Variants in GMPS observed in about 807,000 individuals in gnomAD.
GMPS encodes GMP synthase [glutamine-hydrolyzing].
Under a neutral mutation model 77.9 loss-of-function variants are expected in GMPS, and 15 were observed. The ratio of observed to expected loss-of-function variants is 0.19; its 90% CI spans 0.13 to 0.30. The LOEUF (loss-of-function observed/expected upper bound fraction) is 0.30. Ranked by LOEUF, GMPS falls within the 10% of genes least tolerant of loss-of-function variation. The pLI, the probability that GMPS is intolerant of heterozygous loss-of-function variation, is 1.00. For synonymous variants in GMPS, 224 were observed against 275.9 expected (o/e 0.81, Z 1.86); for missense variants, 590 against 838.8 (o/e 0.70, Z 3.66).
chr3:155,922,099 G>A (rs1007281452), intron 10 of GMPS, 88 bp from the exon 11 acceptor site: 2 of 593,980 alleles, frequency 3.4e-6, no homozygotes, highest in East Asian at 6.7e-5. Flanking sequence ...AAGGTTTTAT[G>A]TTTTGAAACT....
chr3:155,894,450 C>T lies in GMPS; in HGVS notation c.209+751C>T, dbSNP rs1365443508. Among the ~76,000 whole-genome samples the T allele has an allele frequency of 2.0e-5, 3 of 152,198 alleles. No individual in the cohort carries two copies. The East Asian group carries it at 5.8e-4, about 29-fold the overall frequency. The stretch of plus-strand genomic sequence containing the variant: ...TGTTGTCCAGGCTGGTCTCGAACTC[C>T]TGACTTCAGGTGATCCACCTACCTA... On this transcript the variant is annotated intron_variant, in intron 2 of 15. Transcript: ENST00000496455.
intron 7 of GMPS, among the ~76,000 whole-genome samples, chr3:155,911,839 CAAAAA>C (rs200105245): frequency 1.3e-5 from 1 of 75,802 alleles, no homozygotes. Context: ...AACTCCATCT[CAAAAA>C]AAAAAAAAAA....
Position 155,941,488 on chromosome 3 carries a change from T to TA in GMPS, c.*3797dup, listed in dbSNP as rs1755890098. 4.7e-6 allele frequency: 1 copy of TA among 213,392 alleles called. No homozygotes were observed. Among genetic ancestry groups the TA allele is most frequent in the African/African-American group, 2.3e-5 (1 of 44,342 alleles). The allele number at this position is 213,392 out of a possible 1,614,324, so 13.2% of individuals were successfully genotyped here. A position where few individuals can be genotyped will look rare whatever the true frequency, so the allele number is the denominator to read the frequency against. ...CAAAAGTGTTAATTGTCTCCTTACT[T>TA]ACAGTGAGTTTCTAGAGATAGCCCT... On this transcript the variant is annotated 3_prime_UTR_variant, in exon 16 of 16. Transcript: ENST00000496455.
In GMPS at chr3:155,940,739, TG is replaced by T. The variant is rs1259625543; in HGVS notation, c.*3048del. ...GAGACAGAATGGAGAAGCTGGATAGTGTTTTTTTTTTTTTTTTTTAAGGTTC... is the reference window on the plus strand; with the variant it reads ...GAGACAGAATGGAGAAGCTGGATAGTTTTTTTTTTTTTTTTTTTAAGGTTC... On this transcript the variant is annotated 3_prime_UTR_variant, in exon 16 of 16. Coordinates refer to ENST00000496455, the MANE Select transcript of GMPS (RefSeq NM_003875.3). 4.8e-5 allele frequency: 8 copies of T among 166,466 alleles called. No individual in the cohort carries two copies. Among genetic ancestry groups the T allele is most frequent in the African/African-American group, 1.3e-4 (3 of 23,784 alleles). The allele number at this position is 166,466 out of a possible 1,614,324, so 10.3% of individuals were successfully genotyped here.
chr3:155,896,228 C>T (rs1754599270), intron 2 of GMPS, among the ~76,000 whole-genome samples: 1 of 152,040 alleles, frequency 6.6e-6, no homozygotes, highest in South Asian at 2.1e-4. Flanking sequence ...CCAGGATGGT[C>T]TCGATCTCCT....
intron 1 of GMPS, among the ~76,000 whole-genome samples, chr3:155,885,945 G>A (rs1049322196): frequency 2.6e-5 from 4 of 151,948 alleles, no homozygotes; most frequent in African/African-American, 7.2e-5. Context: ...CTCAGCCTCC[G>A]GTGTAGCTGG....
At chr3:155,893,723 A>G (rs1754529070) in intron 2 of GMPS, 24 bp downstream of exon 2, 10 of 1,363,214 alleles carry the variant, frequency 7.3e-6, no homozygotes, top group Non-Finnish European at 1.0e-5. Flanking sequence ...TAATCTTTTC[A>G]TGAGGAGATT....
chr3:155,928,194 T>C (rs1321863718), intron 12 of GMPS, among the ~76,000 whole-genome samples: 2 of 151,934 alleles, frequency 1.3e-5, no homozygotes, highest in Non-Finnish European at 2.9e-5. Context: ...ACCTGGATAA[T>C]TTTTTGTATT....
rs529491745 is a variant in GMPS, at chr3:155,872,559, T to C, written c.27+1662T>C. ...ATATATAGTGCATTTGAGAGGAGTA[T>C]TTTCACAAAACTAAGTGACAGAAAA... On this transcript the variant is annotated intron_variant, in intron 1 of 15. Transcript: ENST00000496455. Among the ~76,000 whole-genome samples, 119 of 152,320 alleles carry C rather than the reference T, an allele frequency of 7.8e-4. 1 individual carries two copies. Among genetic ancestry groups the C allele is most frequent in the African/African-American group, 2.8e-3 (116 of 41,564 alleles).
intron 15 of GMPS, 131 bp downstream of exon 15, chr3:155,936,641 T>A (rs558918572): frequency 1.9e-5 from 11 of 581,612 alleles, no homozygotes; most frequent in African/African-American, 7.5e-5. Flanking sequence ...GGCTTTTTTT[T>A]TTAAATTTTC....
chr3:155,922,931 C>T (rs955997386), intron 11 of GMPS, among the ~76,000 whole-genome samples: 1 of 152,114 alleles, frequency 6.6e-6, no homozygotes, highest in South Asian at 2.1e-4. Flanking sequence ...AGGAAAAATG[C>T]AGATTCTCTT....
intron 1 of GMPS, among the ~76,000 whole-genome samples, chr3:155,874,684 T>C (rs1395924339): frequency 6.6e-6 from 1 of 152,180 alleles, no homozygotes; most frequent in Non-Finnish European, 1.5e-5. Context: ...ACATTGCCTT[T>C]AGCGTGGGCC....
intron 12 of GMPS, among the ~76,000 whole-genome samples, chr3:155,926,131 C>T (rs1560051855): frequency 6.6e-6 from 1 of 152,190 alleles, no homozygotes. Flanking sequence ...ACTACCTCAG[C>T]TTCCCAAGTA....
chr3:155,919,473 G>A, intron 10 of GMPS, 135 bp downstream of exon 10: 2 of 566,870 alleles, frequency 3.5e-6, no homozygotes, highest in Middle Eastern at 3.1e-4. Flanking sequence ...GATGGTTAGG[G>A]AATAATTGAA....
At chr3:155,871,168 C>T (rs1055430572) in intron 1 of GMPS, among the ~76,000 whole-genome samples, 2 of 152,032 alleles carry the variant, frequency 1.3e-5, no homozygotes, top group African/African-American at 4.8e-5. Flanking sequence ...CTGGCCCCCG[C>T]CTCCCCCGCG....
rs1755861310 is a variant in GMPS at position 155,940,521 on chromosome 3, G to A, written c.*2829G>A. ...TTACTGAATAACTTGACCCTAACCTGTAGAGAATAAGAGCATTCAAATTAG... is the reference window on the plus strand; with the variant it reads ...TTACTGAATAACTTGACCCTAACCTATAGAGAATAAGAGCATTCAAATTAG... On this transcript the variant is annotated 3_prime_UTR_variant, in exon 16 of 16. Transcript: ENST00000496455. 3 of 216,134 alleles carry A rather than the reference G, an allele frequency of 1.4e-5. No homozygotes were observed. The allele number at this position is 216,134 out of a possible 1,614,324, so 13.4% of individuals were successfully genotyped here. A position where few individuals can be genotyped will look rare whatever the true frequency, so the allele number is the denominator to read the frequency against.
rs1755424259 is a variant in GMPS, at chr3:155,925,302, T to C, written c.1496T>C (p.Met499Thr). 2 of 1,611,436 alleles carry C rather than the reference T, an allele frequency of 1.2e-6. No individual in the cohort carries two copies. Among genetic ancestry groups the C allele is most frequent in the African/African-American group, 1.3e-5 (1 of 74,890 alleles). Residue 499 changes from methionine to threonine, a missense_variant, in exon 12 of 16, where the codon ATG becomes ACG. Coordinates refer to ENST00000496455, the MANE Select transcript of GMPS (RefSeq NM_003875.3). ...ACAGAAGAGGATCAGGAGAAGCTGA[T>C]GCAAATTACCAGTCTGCATTCACTG... is the stretch of plus-strand genomic sequence containing the variant. ...CTTEEDQEKL[M>T]QITSLHSLNA...
chr3:155,918,110 TGTTA>T (rs1160015463), intron 9 of GMPS, among the ~76,000 whole-genome samples: 1 of 152,046 alleles, frequency 6.6e-6, no homozygotes, highest in Non-Finnish European at 1.5e-5. Context: ...GCTTACAATT[TGTTA>T]TTTTCTATTT....
At chr3:155,910,314 A>G (rs1009939161) in intron 5 of GMPS, among the ~76,000 whole-genome samples, 3 of 152,072 alleles carry the variant, frequency 2.0e-5, no homozygotes, top group African/African-American at 7.2e-5. Flanking sequence ...CATGCCTGTA[A>G]TCCTAGCACT....
Sources: gnomAD v4.1 joint callset for allele counts (sites outside exome capture counted in the v4.1 genomes callset) on GRCh38, gnomAD v4.1.1 for gene constraint, MANE v1.5 for transcripts, NCBI Gene and HGNC (gene_info 2026-07-23, HGNC 2026-07-21) for gene names.